Variants in DIS3L2 observed in about 807,000 individuals in gnomAD.
DIS3L2 encodes DIS3-like exonuclease 2.
A neutral mutation model predicts 97.5 loss-of-function variants in DIS3L2; 34 were observed. The ratio of observed to expected loss-of-function variants is 0.35; its 90% CI spans 0.27 to 0.46. The LOEUF is 0.46. Among genes scored for constraint, DIS3L2 ranks in the 20% least tolerant of loss-of-function variants. The pLI is 1.00. For synonymous variants in DIS3L2, 435 were observed against 445.2 expected (o/e 0.98, Z 0.29); for missense variants, 1,038 against 1,146.0 (o/e 0.91, Z 1.36).
chr2:232,201,038 G>A (rs1657876117), intron 9 of DIS3L2, among the ~76,000 whole-genome samples: 1 of 152,210 alleles, frequency 6.6e-6, no homozygotes, highest in African/African-American at 2.4e-5. Context: ...GCCTCCCAAA[G>A]TGCTGGGATT....
intron 6 of DIS3L2, among the ~76,000 whole-genome samples, chr2:232,101,502 C>T (rs1697203909): frequency 6.6e-6 from 1 of 152,206 alleles, no homozygotes; most frequent in South Asian, 2.1e-4. Flanking sequence ...CCTTTCTAAG[C>T]ACTTTGTAAT....
At chr2:232,086,377 ATG>A (rs1196381468) in intron 5 of DIS3L2, among the ~76,000 whole-genome samples, 4 of 142,112 alleles carry the variant, frequency 2.8e-5, no homozygotes, top group Middle Eastern at 3.6e-3. Flanking sequence ...GTATATGTAT[ATG>A]TATATGTATA....
rs201142682 is a variant in DIS3L2 at position 232,096,757 on chromosome 2, TTC to T, written c.601+9038_601+9039del. On this transcript the variant is annotated intron_variant, in intron 6 of 20. Transcript: ENST00000325385. ...CAGTTTCATTTTTCAGCTCCAGATTTTCTGTTTGATTTTTTTTAATCATTTCA... is the reference window on the plus strand; with the variant it reads ...CAGTTTCATTTTTCAGCTCCAGATTTTGTTTGATTTTTTTTAATCATTTCA... Among the ~76,000 whole-genome samples the T allele has an allele frequency of 6.3e-3, 957 of 152,312 alleles. 9 individuals are homozygous for T. Among genetic ancestry groups the T allele is most frequent in the African/African-American group, 0.022 (903 of 41,568 alleles).
chr2:232,304,100 C>T (rs1252337392), intron 14 of DIS3L2, among the ~76,000 whole-genome samples: 1 of 151,828 alleles, frequency 6.6e-6, no homozygotes, highest in African/African-American at 2.4e-5. Context: ...CAGTCTGCAT[C>T]TGGAGGTGTG....
intron 13 of DIS3L2, among the ~76,000 whole-genome samples, chr2:232,288,597 G>A (rs1333008506): frequency 6.6e-6 from 1 of 152,176 alleles, no homozygotes; most frequent in South Asian, 2.1e-4. Flanking sequence ...ATAACTCCCC[G>A]ACTCCTCAAG....
At chr2:232,192,678 T>C (rs1691647019) in intron 9 of DIS3L2, among the ~76,000 whole-genome samples, 1 of 152,206 alleles carries the variant, frequency 6.6e-6, no homozygotes, top group Non-Finnish European at 1.5e-5. Flanking sequence ...GTGGAAGTGG[T>C]GACTGTAATG....
chr2:232,322,401 A>G (rs1384910861), intron 14 of DIS3L2, among the ~76,000 whole-genome samples: 1 of 152,222 alleles, frequency 6.6e-6, no homozygotes, highest in Admixed American at 6.5e-5. Flanking sequence ...ACACTGTGGC[A>G]TGGGACCTCT....
intron 5 of DIS3L2, among the ~76,000 whole-genome samples, chr2:232,065,597 C>G (rs184155523): frequency 7.4e-6 from 1 of 135,828 alleles, no homozygotes; most frequent in East Asian, 1.9e-4. Flanking sequence ...ATTACTGTAG[C>G]TTTGTAGTAA....
At chr2:232,340,453 C>A (rs973085131), downstream of DIS3L2, among the ~76,000 whole-genome samples, 2 of 152,178 alleles carry the variant, frequency 1.3e-5, no homozygotes, top group African/African-American at 4.8e-5. Context: ...CAGAGGCCAG[C>A]ACCTGTCCCG....
chr2:231,988,379 C>G (rs535183800), intron 1 of DIS3L2, among the ~76,000 whole-genome samples: 4 of 152,318 alleles, frequency 2.6e-5, no homozygotes, highest in African/African-American at 7.2e-5. Flanking sequence ...TAGGGCCTCT[C>G]TCAGGTCCAC....
intron 14 of DIS3L2, among the ~76,000 whole-genome samples, chr2:232,326,009 T>G (rs1349057831): frequency 6.8e-6 from 1 of 146,824 alleles, no homozygotes; most frequent in Non-Finnish European, 1.5e-5. Context: ...CCAGGATAGC[T>G]TGGGGGCGTT....
At chr2:232,027,407 T>C (rs964065315) in intron 4 of DIS3L2, among the ~76,000 whole-genome samples, 1 of 152,148 alleles carries the variant, frequency 6.6e-6, no homozygotes. Flanking sequence ...AAGGCAGGAA[T>C]GAATATGAAA....
At chr2:231,991,857 C>T (rs1208249455) in intron 1 of DIS3L2, among the ~76,000 whole-genome samples, 1 of 152,186 alleles carries the variant, frequency 6.6e-6, no homozygotes, top group Non-Finnish European at 1.5e-5. Flanking sequence ...ATTCAGTAAG[C>T]ATTTCCTGAG....
At chr2:232,077,955 CTCTT>C (rs538146324) in intron 5 of DIS3L2, among the ~76,000 whole-genome samples, 25,816 of 108,326 alleles carry the variant, frequency 0.24, 3,245 homozygotes, top group Middle Eastern at 0.29. Flanking sequence ...TTCTTTCTTT[CTCTT>C]TCTTTCTTTC....
intron 9 of DIS3L2, among the ~76,000 whole-genome samples, chr2:232,206,648 G>A (rs1043921026): frequency 6.6e-6 from 1 of 152,198 alleles, no homozygotes; most frequent in Non-Finnish European, 1.5e-5. Context: ...GCCAATTCCT[G>A]ATCAGGAATA....
chr2:232,308,768 T>A (rs548787256), intron 14 of DIS3L2, among the ~76,000 whole-genome samples: 2 of 152,196 alleles, frequency 1.3e-5, no homozygotes, highest in Admixed American at 1.3e-4. Context: ...TCTTTCTGCT[T>A]CCCAACATGC....
intron 10 of DIS3L2, among the ~76,000 whole-genome samples, chr2:232,220,670 G>A (rs1692475635): frequency 6.6e-6 from 1 of 152,114 alleles, no homozygotes; most frequent in Non-Finnish European, 1.5e-5. Flanking sequence ...TCGCACCACT[G>A]CACTCCAGCA....
At chr2:231,987,517 A>C (rs1217447655) in intron 1 of DIS3L2, among the ~76,000 whole-genome samples, 1 of 152,224 alleles carries the variant, frequency 6.6e-6, no homozygotes, top group Non-Finnish European at 1.5e-5. Context: ...GTAAGTGACA[A>C]GTTGAACACT....
In DIS3L2 at chr2:232,163,641, C is replaced by G. The variant is rs752481346; in HGVS notation, c.1124+9C>G. On this transcript the variant is annotated intron_variant, in intron 9 of 20. Coordinates refer to ENST00000325385, the MANE Select transcript of DIS3L2 (RefSeq NM_152383.5). ...AAGAGAAGGGATTTAAGGTAAGCAC[C>G]TGAAACCCTTTAAGAACGTATATCT... 5.0e-6 allele frequency: 8 copies of G among 1,611,684 alleles called. No individual in the cohort carries two copies. In the East Asian group the frequency reaches 1.8e-4, roughly 36 times the overall value.
Sources: allele counts gnomAD v4.1 joint callset (sites outside exome capture counted in the v4.1 genomes callset), GRCh38; gene constraint gnomAD v4.1.1; transcripts MANE v1.5; gene names NCBI Gene and HGNC (gene_info 2026-07-23, HGNC 2026-07-21).